The following KLHL4 variants were observed in gnomAD, a reference collection of about 807,000 sequenced individuals.
KLHL4 encodes the protein kelch-like protein 4.
Under a neutral mutation model 45.8 loss-of-function variants are expected in KLHL4, and 17 were observed. The observed-to-expected ratio is 0.37, with a 90% CI of 0.25 to 0.56. The LOEUF (loss-of-function observed/expected upper bound fraction) is 0.56, where lower values mean the gene tolerates loss of function less well. Ranked by LOEUF, KLHL4 falls within the 20% of genes least tolerant of loss-of-function variation. The pLI is 0.79. For missense variants in KLHL4, 544 were observed against 544.9 expected (o/e 1.00, Z 0.02); for synonymous variants, 224 against 189.9 (o/e 1.18, Z -1.47).
At chrX:87,585,011 A>G (rs886097307) in intron 1 of KLHL4, among the ~76,000 whole-genome samples, 2 of 111,600 alleles carry the variant, frequency 1.8e-5, no homozygotes, top group Non-Finnish European at 3.8e-5. Flanking sequence ...AAATGAAGCT[A>G]TAATACATCT....
chrX:87,530,126 A>T (rs1036242560), intron 1 of KLHL4, among the ~76,000 whole-genome samples: 3 of 110,788 alleles, frequency 2.7e-5, no homozygotes, highest in African/African-American at 9.9e-5. Context: ...CTTTAGTTTA[A>T]TTAGATTCCA....
chrX:87,651,725 C>A (rs1056345755), intron 9 of KLHL4, among the ~76,000 whole-genome samples: 3 of 112,167 alleles, frequency 2.7e-5, no homozygotes. Flanking sequence ...GGTACAGCCT[C>A]CCTCCCAGGT....
chrX:87,532,091 A>G lies in KLHL4; in HGVS notation c.422+13776A>G, dbSNP rs750928185. ...TACCTGACGTTTAAGTCTTTAATCC[A>G]TCTTGAATTAATTTTTGTATAAGGT... On this transcript the variant is annotated intron_variant, in intron 1 of 10. Transcript: ENST00000373119. Among the ~76,000 whole-genome samples, 69 of 110,299 alleles carry G rather than the reference A, an allele frequency of 6.3e-4. No homozygotes were observed. The South Asian group carries it at 7.2e-3, about 12-fold the overall frequency.
At chrX:87,648,329 A>G (rs943005605) in intron 9 of KLHL4, among the ~76,000 whole-genome samples, 4 of 111,655 alleles carry the variant, frequency 3.6e-5, no homozygotes, top group Non-Finnish European at 7.5e-5. Context: ...TGTATTTTGC[A>G]GGCATACAAA....
At chrX:87,603,606 A>G (rs1436038872) in intron 1 of KLHL4, among the ~76,000 whole-genome samples, 1 of 110,826 alleles carries the variant, frequency 9.0e-6, no homozygotes, top group African/African-American at 3.3e-5. Context: ...TATGAAGTAC[A>G]ATTTGATGTT....
At position 87,664,837 on chromosome X, in the gene KLHL4, C is replaced by A; in HGVS notation, c.1999C>A (p.Pro667Thr). 8.3e-7 allele frequency: 1 copy of A among 1,200,763 alleles called. No individual in the cohort carries two copies. ...TCCTCGAGATGCTGTTGCTGTGTGC[C>A]CTCTTGGAGACAAACTCTACGTGGT... Reference protein sequence around the residue: ...SVPRDAVAVCPLGDKLYVVGG... With the variant: ...SVPRDAVAVCTLGDKLYVVGG... The change falls in exon 10 of 11, where the codon CCT becomes ACT. Residue 667 changes from proline (P) to threonine (T), a missense_variant. Transcript: ENST00000373119.
intron 1 of KLHL4, among the ~76,000 whole-genome samples, chrX:87,529,146 C>G (rs1005319004): frequency 2.7e-5 from 3 of 111,288 alleles, no homozygotes; most frequent in Non-Finnish European, 5.7e-5. Flanking sequence ...AAAGACCTTC[C>G]TAAACAAAAG....
intron 1 of KLHL4, among the ~76,000 whole-genome samples, chrX:87,549,561 T>C (rs745394973): frequency 9.0e-6 from 1 of 111,666 alleles, no homozygotes; most frequent in South Asian, 3.7e-4. Context: ...TTTTAAACAA[T>C]ATGAAGGATC....
chrX:87,660,377 A>G (rs1353783427), intron 9 of KLHL4, among the ~76,000 whole-genome samples: 1 of 112,334 alleles, frequency 8.9e-6, no homozygotes, highest in Non-Finnish European at 1.9e-5. Flanking sequence ...CCTAAAAGCC[A>G]TATATACTTA....
chrX:87,604,681 G>C (rs1418538771), intron 1 of KLHL4, among the ~76,000 whole-genome samples: 2 of 111,033 alleles, frequency 1.8e-5, no homozygotes, highest in Non-Finnish European at 3.8e-5. Context: ...CTTGTCAGCT[G>C]TATAGCTTGG....
In KLHL4 at chrX:87,669,212, T is replaced by A; in HGVS notation, c.*2678T>A. 9.0e-7 allele frequency: 1 copy of A among 1,105,137 alleles called. No individual in the cohort carries two copies. Among genetic ancestry groups the A allele is most frequent in the Non-Finnish European group, 1.2e-6 (1 of 839,772 alleles). 91.1% of individuals were successfully genotyped at this position (1,105,137 alleles called of 1,213,427 possible). ...ACTCAGATCTGAAAGACAATGTTGC[T>A]TCTTGATTTTTTTCTATAATCACTA... is the stretch of plus-strand genomic sequence containing the variant. On this transcript the variant is annotated 3_prime_UTR_variant, in exon 11 of 11. Transcript: ENST00000373119.
rs56811473 is a variant in KLHL4 at position 87,520,074 on chromosome X, T to C, written c.422+1759T>C. 3.6e-5 allele frequency among the ~76,000 whole-genome samples: 4 copies of C among 112,444 alleles called. No homozygotes were observed. In the East Asian group the frequency reaches 8.4e-4, roughly 24 times the overall value. On this transcript the variant is annotated intron_variant, in intron 1 of 10. Transcript: ENST00000373119. ...AAAGCTAACGTTTTCTTAATATACA[T>C]ACAGGAAATGGTTTTATAGGTGTGC...
At chrX:87,553,517 C>T (rs968182001) in intron 1 of KLHL4, among the ~76,000 whole-genome samples, 25 of 110,464 alleles carry the variant, frequency 2.3e-4, no homozygotes, top group Non-Finnish European at 3.0e-4. Flanking sequence ...ATTCTAGGTA[C>T]TGGATGTCTT....
chrX:87,531,116 TG>T (rs1931263535), intron 1 of KLHL4, among the ~76,000 whole-genome samples: 1 of 111,129 alleles, frequency 9.0e-6, no homozygotes, highest in Non-Finnish European at 1.9e-5. Context: ...TTGATGGGGT[TG>T]TTTTTTTCTT....
intron 1 of KLHL4, among the ~76,000 whole-genome samples, chrX:87,597,800 C>T (rs1921887193): frequency 9.0e-6 from 1 of 111,097 alleles, no homozygotes; most frequent in East Asian, 2.8e-4. Flanking sequence ...GTGCCTTGTA[C>T]ATAGTGAGTC....
chrX:87,518,454 G>A (rs1930935157), intron 1 of KLHL4, 139 bp downstream of exon 1: 2 of 531,760 alleles, frequency 3.8e-6, no homozygotes, highest in African/African-American at 4.8e-5. Context: ...CTCAGAAACC[G>A]TCTCCTCTAA....
At chrX:87,551,343 AATC>A (rs1179393339) in intron 1 of KLHL4, among the ~76,000 whole-genome samples, 1 of 111,552 alleles carries the variant, frequency 9.0e-6, no homozygotes, top group East Asian at 2.8e-4. Context: ...TGCTGAAAGA[AATC>A]ATAGATGACA....
At chrX:87,574,554 A>G (rs1421867843) in intron 1 of KLHL4, among the ~76,000 whole-genome samples, 1 of 111,887 alleles carries the variant, frequency 8.9e-6, no homozygotes, top group Non-Finnish European at 1.9e-5. Flanking sequence ...GAATTCACCT[A>G]TTTAAAGTGT....
intron 1 of KLHL4, among the ~76,000 whole-genome samples, chrX:87,579,636 A>C (rs1249599931): frequency 2.7e-5 from 3 of 112,105 alleles, no homozygotes; most frequent in African/African-American, 9.7e-5. Context: ...GCCAATCAGC[A>C]GATTTCCCAG....
Sources: allele counts gnomAD v4.1 joint callset (sites outside exome capture counted in the v4.1 genomes callset), GRCh38; gene constraint gnomAD v4.1.1; transcripts MANE v1.5; gene names NCBI Gene and HGNC (gene_info 2026-07-23, HGNC 2026-07-21).